HSDL2: variants seen among roughly 807,000 people sequenced by gnomAD.
HSDL2 encodes hydroxysteroid dehydrogenase like 2.
HSDL2 carries 27 observed loss-of-function variants against 46.3 expected under a neutral mutation model. The ratio of observed to expected loss-of-function variants is 0.58; its 90% CI spans 0.43 to 0.80. The LOEUF (loss-of-function observed/expected upper bound fraction) is 0.80. Ranked by LOEUF, HSDL2 falls within the 30% of genes least tolerant of loss-of-function variation. HSDL2 has a pLI of 0.00. For missense variants in HSDL2, 451 were observed against 502.7 expected (o/e 0.90, Z 0.98); for synonymous variants, 153 against 163.6 (o/e 0.94, Z 0.50).
At position 112,402,363 on chromosome 9, in the gene HSDL2, C is replaced by T. The variant is rs989907531; in HGVS notation, c.18-1632C>T. ...CATAAGGCCAAGAGTTTGAGACCTG[C>T]CTGGGTAACATACCAAGACCCTGTC... On this transcript the variant is annotated intron_variant, in intron 1 of 10. Transcript: ENST00000398805. 3.9e-5 allele frequency among the ~76,000 whole-genome samples: 6 copies of T among 152,124 alleles called. No individual in the cohort carries two copies. In the South Asian group the frequency reaches 1.2e-3, roughly 32 times the overall value.
intron 7 of HSDL2, among the ~76,000 whole-genome samples, chr9:112,441,158 T>C (rs980868195): frequency 2.0e-5 from 3 of 151,138 alleles, no homozygotes; most frequent in Non-Finnish European, 4.4e-5. Flanking sequence ...CAAGATCATA[T>C]CACTGCACTC....
chr9:112,432,692 G>C (rs1832435852), intron 6 of HSDL2, among the ~76,000 whole-genome samples: 1 of 152,164 alleles, frequency 6.6e-6, no homozygotes, highest in East Asian at 1.9e-4. Context: ...TTTGGTCCTA[G>C]ACTTGATGAC....
rs552556017 is a variant in HSDL2 at position 112,402,906 on chromosome 9, C to T, written c.18-1089C>T. Among the ~76,000 whole-genome samples the T allele has an allele frequency of 1.3e-3, 191 of 151,460 alleles. 1 individual carries two copies. Among genetic ancestry groups the T allele is most frequent in the Non-Finnish European group, 2.5e-3 (167 of 67,786 alleles). ...GTTGAGTGAGCTGAGATTGCACCAC[C>T]GTACTCCAGCCTGGGCGACAGAGCG... On this transcript the variant is annotated intron_variant, in intron 1 of 10. Transcript: ENST00000398805.
At chr9:112,451,912 T>C (rs746231564) in intron 8 of HSDL2, among the ~76,000 whole-genome samples, 1 of 152,220 alleles carries the variant, frequency 6.6e-6, no homozygotes, top group Non-Finnish European at 1.5e-5. Context: ...TAATATCATC[T>C]TTCTTGACCT....
chr9:112,412,087 T>C (rs1831882676), intron 4 of HSDL2, among the ~76,000 whole-genome samples: 1 of 152,208 alleles, frequency 6.6e-6, no homozygotes, highest in Non-Finnish European at 1.5e-5. Context: ...CTGAAACTTT[T>C]TGAGTGCTGA....
chr9:112,447,485 A>T (rs369678144), intron 8 of HSDL2, among the ~76,000 whole-genome samples: 9 of 152,294 alleles, frequency 5.9e-5, no homozygotes, highest in African/African-American at 2.2e-4. Flanking sequence ...TGAAGTAGTT[A>T]CCCACAAGGA....
intron 6 of HSDL2, chr9:112,434,148 T>C (rs1832465706): frequency 6.6e-6 from 1 of 152,232 alleles, no homozygotes; most frequent in Non-Finnish European, 1.5e-5. Context: ...AGAGGGATGA[T>C]GGCTGCTATT....
chr9:112,385,438 C>T (rs1013375746), intron 1 of HSDL2, among the ~76,000 whole-genome samples: 27 of 151,408 alleles, frequency 1.8e-4, no homozygotes, highest in African/African-American at 6.3e-4. Flanking sequence ...AAGCGATTCT[C>T]CTGCCTCAGC....
At chr9:112,412,241 A>T (rs1002530139) in intron 4 of HSDL2, among the ~76,000 whole-genome samples, 1 of 152,160 alleles carries the variant, frequency 6.6e-6, no homozygotes, top group Admixed American at 6.6e-5. Flanking sequence ...TGTACCACAC[A>T]CCTAGGTATA....
At chr9:112,381,658 C>T (rs931247337) in intron 1 of HSDL2, among the ~76,000 whole-genome samples, 3 of 152,102 alleles carry the variant, frequency 2.0e-5, no homozygotes, top group Non-Finnish European at 4.4e-5. Context: ...CTGGCCCCTC[C>T]TCCTTTTTAA....
chr9:112,418,735 A>T, intron 5 of HSDL2, 125 bp from the exon 6 acceptor site: 1 of 445,372 alleles, frequency 2.2e-6, no homozygotes, highest in East Asian at 4.2e-5. Flanking sequence ...ATACATATGT[A>T]TATACATACA....
At chr9:112,438,724 G>T in intron 7 of HSDL2, 99 bp downstream of exon 7, 1 of 689,170 alleles carries the variant, frequency 1.5e-6, no homozygotes, top group East Asian at 2.9e-5. Flanking sequence ...ATTGTAAAAT[G>T]AATGTGTTCT....
chr9:112,385,323 TTTTA>T (rs1831192706), intron 1 of HSDL2, among the ~76,000 whole-genome samples: 1 of 151,988 alleles, frequency 6.6e-6, no homozygotes, highest in Non-Finnish European at 1.5e-5. Context: ...AGTTTTTAAG[TTTTA>T]TTTATTTATT....
chr9:112,439,860 C>T (rs1034807955), intron 7 of HSDL2, among the ~76,000 whole-genome samples: 1 of 152,262 alleles, frequency 6.6e-6, no homozygotes, highest in African/African-American at 2.4e-5. Flanking sequence ...TTGAGCATGT[C>T]ACCCAGTTTG....
At chr9:112,453,936 C>T in intron 8 of HSDL2, 77 bp from the exon 9 acceptor site, 1 of 1,290,560 alleles carries the variant, frequency 7.7e-7, no homozygotes. Flanking sequence ...GCAAGTCTGT[C>T]CTGCTGATTA....
In HSDL2 at chr9:112,470,661, TG is replaced by T. The variant is rs1382412661; in HGVS notation, c.*119del. The T allele has an allele frequency of 1.7e-6, 1 of 572,872 alleles. No individual in the cohort carries two copies. Among genetic ancestry groups the T allele is most frequent in the Non-Finnish European group, 3.0e-6 (1 of 330,788 alleles). 35.5% of individuals were successfully genotyped at this position (572,872 alleles called of 1,614,324 possible). On this transcript the variant is annotated 3_prime_UTR_variant, in exon 11 of 11. Transcript: ENST00000398805. ...ATTATAAGGATATGCACGTTTGTTC[TG>T]GAAAAGATAGAATTTGTCTCTAAAA... is the stretch of plus-strand genomic sequence containing the variant.
chr9:112,434,315 A>G (rs943584000), intron 6 of HSDL2, among the ~76,000 whole-genome samples: 2 of 152,172 alleles, frequency 1.3e-5, no homozygotes, highest in African/African-American at 2.4e-5. Flanking sequence ...CAGTAGAAGT[A>G]CCACAGAGCA....
intron 10 of HSDL2, among the ~76,000 whole-genome samples, chr9:112,460,446 A>G (rs1184941248): frequency 6.6e-6 from 1 of 152,224 alleles, no homozygotes; most frequent in Non-Finnish European, 1.5e-5. Flanking sequence ...TTAAATGTTC[A>G]TATAAAAATT....
chr9:112,380,288 AGGATACTGCCTG>A, intron 1 of HSDL2, 108 bp downstream of exon 1: 1 of 1,078,316 alleles, frequency 9.3e-7, no homozygotes, highest in South Asian at 1.5e-5. Flanking sequence ...TGGGAGGTCA[AGGATACTGCCTG>A]GGCACGCTCT....
Sources: allele counts gnomAD v4.1 joint callset (sites outside exome capture counted in the v4.1 genomes callset), GRCh38; gene constraint gnomAD v4.1.1; transcripts MANE v1.5; gene names NCBI Gene and HGNC (gene_info 2026-07-23, HGNC 2026-07-21).